IGSF21: variants seen among roughly 807,000 people sequenced by gnomAD.
IGSF21 encodes the protein immunoglobulin superfamily member 21.
In IGSF21, 28 loss-of-function variants were observed where a neutral mutation model predicts 46.8. That is an observed-to-expected ratio of 0.60 (90% CI 0.44 to 0.82). IGSF21 has a LOEUF of 0.82. Ranked by LOEUF, IGSF21 falls within the 40% of genes least tolerant of loss-of-function variation. The pLI is 0.00. For synonymous variants in IGSF21, 284 were observed against 273.6 expected (o/e 1.04, Z -0.38); for missense variants, 624 against 665.5 (o/e 0.94, Z 0.69).
chr1:18,203,459 C>T (rs1228793186), intron 1 of IGSF21, among the ~76,000 whole-genome samples: 1 of 152,136 alleles, frequency 6.6e-6, no homozygotes, highest in Non-Finnish European at 1.5e-5. Context: ...CAGGTGCATG[C>T]CGCCACACCT....
chr1:18,169,986 G>A (rs2086720512), intron 1 of IGSF21, among the ~76,000 whole-genome samples: 1 of 152,136 alleles, frequency 6.6e-6, no homozygotes, highest in Non-Finnish European at 1.5e-5. Flanking sequence ...GGTATGGCAG[G>A]TGGCCATGAA....
intron 4 of IGSF21, among the ~76,000 whole-genome samples, chr1:18,351,114 C>T (rs2085948395): frequency 6.6e-6 from 1 of 152,052 alleles, no homozygotes; most frequent in South Asian, 2.1e-4. Flanking sequence ...ACGGCCATGT[C>T]GCAGAGAAAG....
At chr1:18,195,990 A>G (rs983796767) in intron 1 of IGSF21, among the ~76,000 whole-genome samples, 1 of 152,228 alleles carries the variant, frequency 6.6e-6, no homozygotes, top group African/African-American at 2.4e-5. Context: ...GCGAGAGCTC[A>G]GCCTTCTGGA....
At chr1:18,176,209 G>A (rs2086794756) in intron 1 of IGSF21, 1 of 152,252 alleles carries the variant, frequency 6.6e-6, no homozygotes, top group South Asian at 2.1e-4. Flanking sequence ...TTTCAAGGCA[G>A]TGTCACATGG....
chr1:18,133,733 G>A (rs143418032), intron 1 of IGSF21, among the ~76,000 whole-genome samples: 165 of 152,334 alleles, frequency 1.1e-3, no homozygotes, highest in African/African-American at 3.6e-3. Context: ...CACGTCCTCA[G>A]GCCAAATCCT....
chr1:18,378,119 G>A, intron 9 of IGSF21, 137 bp from the exon 10 acceptor site: 5 of 658,382 alleles, frequency 7.6e-6, no homozygotes, highest in South Asian at 1.8e-5. Context: ...TAGGTGGCCA[G>A]GTGGCAGAGC....
chr1:18,239,123 G>A lies in IGSF21; in HGVS notation c.183+11113G>A, dbSNP rs1042524200. Among the ~76,000 whole-genome samples the A allele has an allele frequency of 1.6e-4, 24 of 152,136 alleles. 1 individual carries two copies. Among genetic ancestry groups the A allele is most frequent in the African/African-American group, 5.8e-4 (24 of 41,416 alleles). On this transcript the variant is annotated intron_variant, in intron 2 of 9. Coordinates refer to ENST00000251296, the MANE Select transcript of IGSF21 (RefSeq NM_032880.5). ...CACATGGAATCCGGAAGTATATTAA[G>A]CCCAAAGTGTGATTTCCAGCAGATT...
At chr1:18,344,607 G>C (rs2124615061) in intron 4 of IGSF21, among the ~76,000 whole-genome samples, 1 of 152,170 alleles carries the variant, frequency 6.6e-6, no homozygotes, top group East Asian at 1.9e-4. Flanking sequence ...CTGTGCACAG[G>C]ACAGCTGTGG....
chr1:18,215,579 G>C (rs1270131164), intron 1 of IGSF21, among the ~76,000 whole-genome samples: 2 of 152,214 alleles, frequency 1.3e-5, no homozygotes, highest in South Asian at 2.1e-4. Flanking sequence ...TGGGGGCAAA[G>C]TGACGGTCTT....
At chr1:18,270,854 A>G (rs2085036049) in intron 2 of IGSF21, among the ~76,000 whole-genome samples, 1 of 152,092 alleles carries the variant, frequency 6.6e-6, no homozygotes, top group African/African-American at 2.4e-5. Context: ...AGCCAGCCGC[A>G]TGTGCGATTT....
intron 1 of IGSF21, among the ~76,000 whole-genome samples, chr1:18,160,546 GTTTTCTGGTTTAAGTCATAA>G (rs753615293): frequency 7.9e-5 from 12 of 152,222 alleles, no homozygotes; most frequent in East Asian, 1.9e-4. Context: ...GAACTTGTGT[GTTTTCTGGTTTAAGTCATAA>G]TTTCTTTTCT....
chr1:18,277,451 C>T (rs2085113112), intron 2 of IGSF21, among the ~76,000 whole-genome samples: 2 of 152,220 alleles, frequency 1.3e-5, no homozygotes, highest in Non-Finnish European at 2.9e-5. Flanking sequence ...GTGTCTAGCA[C>T]AGGGGCTGAC....
chr1:18,313,394 C>T (rs535825698), intron 3 of IGSF21, among the ~76,000 whole-genome samples: 42 of 152,322 alleles, frequency 2.8e-4, no homozygotes, highest in South Asian at 1.2e-3. Flanking sequence ...CCAGCTCTGC[C>T]GCTTCCTGGC....
At chr1:18,291,617 C>A (rs566185868) in intron 2 of IGSF21, among the ~76,000 whole-genome samples, 1 of 152,320 alleles carries the variant, frequency 6.6e-6, no homozygotes, top group Non-Finnish European at 1.5e-5. Flanking sequence ...CTCTTTCCTG[C>A]CGCAGGGCCT....
intron 3 of IGSF21, among the ~76,000 whole-genome samples, chr1:18,327,691 G>A (rs2085671149): frequency 6.6e-6 from 1 of 152,162 alleles, no homozygotes; most frequent in African/African-American, 2.4e-5. Flanking sequence ...TAGGAATCAT[G>A]ATTTATAGTG....
intron 8 of IGSF21, 38 bp downstream of exon 8, chr1:18,377,030 CA>C (rs1211288122): frequency 1.3e-6 from 2 of 1,556,044 alleles, no homozygotes. Flanking sequence ...AGAACAACCA[CA>C]GGGGCGGGTC....
chr1:18,329,649 A>G (rs1032721391), intron 3 of IGSF21, among the ~76,000 whole-genome samples: 1 of 152,168 alleles, frequency 6.6e-6, no homozygotes, highest in African/African-American at 2.4e-5. Context: ...CTGGGCAGTC[A>G]AGGTAGCCTG....
At chr1:18,151,052 G>A (rs1056321742) in intron 1 of IGSF21, among the ~76,000 whole-genome samples, 11 of 152,210 alleles carry the variant, frequency 7.2e-5, no homozygotes, top group Admixed American at 1.3e-4. Context: ...CCGGATGGCT[G>A]TGGCTCAGCC....
At chr1:18,368,527 A>AAG (rs58062572) in intron 6 of IGSF21, among the ~76,000 whole-genome samples, 1 of 131,976 alleles carries the variant, frequency 7.6e-6, no homozygotes. Context: ...AAAAAAAAAA[A>AAG]GTTGGGGGGA....
Sources: allele counts gnomAD v4.1 joint callset (sites outside exome capture counted in the v4.1 genomes callset), GRCh38; gene constraint gnomAD v4.1.1; transcripts MANE v1.5; gene names NCBI Gene and HGNC (gene_info 2026-07-23, HGNC 2026-07-21).